TGFBR3: variants seen among roughly 807,000 people sequenced by gnomAD.
TGFBR3 encodes the protein transforming growth factor beta receptor type 3.
Under a neutral mutation model 87.9 loss-of-function variants are expected in TGFBR3, and 46 were observed. The observed-to-expected ratio is 0.52, with a 90% confidence interval of 0.41 to 0.67. The LOEUF is 0.67. TGFBR3 is among the 30% of genes least tolerant of loss of function. The pLI is 0.00. For missense variants in TGFBR3, 866 were observed against 1,041.9 expected, an observed-to-expected ratio of 0.83 and a Z score of 2.32; for synonymous variants, 381 against 391.6, an observed-to-expected ratio of 0.97 and a Z score of 0.32.
intron 3 of TGFBR3, among the ~76,000 whole-genome samples, chr1:91,783,986 C>T (rs1459940511): frequency 6.6e-6 from 1 of 152,094 alleles, no homozygotes; most frequent in Non-Finnish European, 1.5e-5. Flanking sequence ...ATCAAATGAG[C>T]AACCCAAGGG....
At chr1:91,705,886 T>C (rs1040988679) in intron 14 of TGFBR3, among the ~76,000 whole-genome samples, 1 of 152,194 alleles carries the variant, frequency 6.6e-6, no homozygotes, top group Non-Finnish European at 1.5e-5. Context: ...TGAACTTTTA[T>C]ACAAGAAAAC....
At chr1:91,861,350 T>C (rs978603758) in intron 2 of TGFBR3, 121 bp downstream of exon 2, 2 of 767,830 alleles carry the variant, frequency 2.6e-6, no homozygotes, top group African/African-American at 3.5e-5. Context: ...CAGTAAGCCA[T>C]GATTATGCCT....
chr1:91,758,614 A>G lies in TGFBR3; in HGVS notation c.383T>C (p.Leu128Ser). The stretch of plus-strand genomic sequence containing the variant: ...TTTGGGGGAGGTTTAAGCACTTACC[A>G]AAAACAGTCTGGAGACCCCAGTGGC... ...RLATGVSRLF[L>S]VSEGSVVQFS... Residue 128 changes from leucine to serine, a missense_variant and splice_region_variant, in exon 4 of 17, where the codon TTG (leucine) becomes TCG (serine). Transcript: ENST00000212355. The G allele has an allele frequency of 6.2e-7, 1 of 1,613,786 alleles. No homozygotes were observed. Among genetic ancestry groups the G allele is most frequent in the Non-Finnish European group, 8.5e-7 (1 of 1,179,754 alleles).
intron 3 of TGFBR3, among the ~76,000 whole-genome samples, chr1:91,787,893 G>A (rs1351998006): frequency 1.3e-5 from 2 of 150,314 alleles, no homozygotes; most frequent in Non-Finnish European, 1.5e-5. Flanking sequence ...AGCTGAGATC[G>A]CACCACTATA....
intron 2 of TGFBR3, among the ~76,000 whole-genome samples, chr1:91,821,013 G>C (rs1221639243): frequency 6.6e-6 from 1 of 152,028 alleles, no homozygotes; most frequent in Middle Eastern, 3.2e-3. Context: ...TGACACAAAA[G>C]TAATTGCAGT....
At chr1:91,827,163 G>A (rs1676673572) in intron 2 of TGFBR3, among the ~76,000 whole-genome samples, 1 of 152,122 alleles carries the variant, frequency 6.6e-6, no homozygotes, top group Non-Finnish European at 1.5e-5. Flanking sequence ...CTCCCGGGGT[G>A]GGGACGCCGT....
At chr1:91,820,625 G>A (rs1676413962) in intron 2 of TGFBR3, among the ~76,000 whole-genome samples, 1 of 152,148 alleles carries the variant, frequency 6.6e-6, no homozygotes. Flanking sequence ...GGCGGAGCTT[G>A]CAGTGAGCAG....
At chr1:91,687,725 G>A (rs541759211) in intron 16 of TGFBR3, among the ~76,000 whole-genome samples, 1 of 152,316 alleles carries the variant, frequency 6.6e-6, no homozygotes, top group African/African-American at 2.4e-5. Context: ...TAAATGGCAG[G>A]ACTAGGGATT....
chr1:91,838,512 G>A (rs1677144661), intron 2 of TGFBR3, among the ~76,000 whole-genome samples: 1 of 148,162 alleles, frequency 6.7e-6, no homozygotes, highest in Non-Finnish European at 1.5e-5. Flanking sequence ...AGGCTGGAGT[G>A]CAGTGGGGCA....
chr1:91,869,725 C>G (rs1270512314), intron 1 of TGFBR3, among the ~76,000 whole-genome samples: 1 of 152,146 alleles, frequency 6.6e-6, no homozygotes, highest in Non-Finnish European at 1.5e-5. Context: ...TTCTCAATAA[C>G]AAGAGTTATG....
At chr1:91,742,828 T>C (rs989004863) in intron 4 of TGFBR3, among the ~76,000 whole-genome samples, 19 of 152,204 alleles carry the variant, frequency 1.2e-4, no homozygotes, top group African/African-American at 4.3e-4. Context: ...ACATTTGTAT[T>C]TGAAATTCAG....
At chr1:91,749,556 A>G (rs1026939432) in intron 4 of TGFBR3, among the ~76,000 whole-genome samples, 11 of 152,334 alleles carry the variant, frequency 7.2e-5, no homozygotes, top group African/African-American at 2.6e-4. Flanking sequence ...CTTCCAAGCT[A>G]GAGTTAGATA....
chr1:91,803,943 A>G (rs2101023276), intron 2 of TGFBR3, among the ~76,000 whole-genome samples: 1 of 152,308 alleles, frequency 6.6e-6, no homozygotes, highest in East Asian at 1.9e-4. Context: ...ACATGCTCCC[A>G]AAGACTGCAA....
chr1:91,861,864 T>TTC, intron 1 of TGFBR3: 1 of 327,188 alleles, frequency 3.1e-6, no homozygotes, highest in Admixed American at 4.5e-5. Context: ...TGGCTTTTTT[T>TTC]TTTTTTTTTT....
At chr1:91,822,293 T>TAAA (rs71087974) in intron 2 of TGFBR3, among the ~76,000 whole-genome samples, 2 of 93,338 alleles carry the variant, frequency 2.1e-5, no homozygotes, top group African/African-American at 1.0e-4. Flanking sequence ...AGCAAAGCAT[T>TAAA]AAAAAAAAAA....
In TGFBR3 at chr1:91,691,501, T is replaced by C. The variant is rs573997558; in HGVS notation, c.2437+4171A>G. Among the ~76,000 whole-genome samples, 4 of 152,346 alleles carry C rather than the reference T, an allele frequency of 2.6e-5. No individual in the cohort carries two copies. In the East Asian group the frequency reaches 7.7e-4, roughly 29 times the overall value. ...AGTCCGAAGGAAAAAGTGTCTATAA[T>C]CTAACATTCTGTACCTTGCCAAACT... On this transcript the variant is annotated intron_variant, in intron 16 of 16. Transcript: ENST00000212355.
At chr1:91,782,012 TCTCA>T (rs1674786551) in intron 3 of TGFBR3, among the ~76,000 whole-genome samples, 1 of 152,260 alleles carries the variant, frequency 6.6e-6, no homozygotes, top group Admixed American at 6.5e-5. Flanking sequence ...TCATTTAGAT[TCTCA>T]CTATCTTAAC....
intron 4 of TGFBR3, among the ~76,000 whole-genome samples, chr1:91,736,356 G>A (rs1244735334): frequency 2.7e-5 from 4 of 150,602 alleles, no homozygotes; most frequent in African/African-American, 9.8e-5. Context: ...TGGTAGCTGT[G>A]TAGAACTACA....
chr1:91,742,063 C>A (rs1371924862), intron 4 of TGFBR3, among the ~76,000 whole-genome samples: 1 of 152,164 alleles, frequency 6.6e-6, no homozygotes, highest in East Asian at 1.9e-4. Flanking sequence ...GGTCTTTTTA[C>A]ACCCTGCACC....
Sources: allele counts gnomAD v4.1 joint callset (sites outside exome capture counted in the v4.1 genomes callset), GRCh38; gene constraint gnomAD v4.1.1; transcripts MANE v1.5; gene names NCBI Gene and HGNC (gene_info 2026-07-23, HGNC 2026-07-21).